Variants in COL4A5 observed in about 807,000 individuals in gnomAD.
The protein encoded by COL4A5 is collagen type IV alpha 5 chain.
COL4A5 carries 26 observed loss-of-function variants against 130.2 expected under a neutral mutation model. The ratio of observed to expected loss-of-function variants is 0.20; its 90% CI spans 0.15 to 0.28. The LOEUF (loss-of-function observed/expected upper bound fraction) is 0.28. COL4A5 is among the 10% of genes least tolerant of loss of function. The probability of loss-of-function intolerance (pLI) is 1.00; values close to 1 mark genes in which losing one functional copy is unlikely to be tolerated. For synonymous variants in COL4A5, 496 were observed against 439.6 expected (o/e 1.13, Z -1.60); for missense variants, 1,131 against 1,344.3 (o/e 0.84, Z 2.48).
chrX:108,697,297 A>G lies in COL4A5; in HGVS notation c.*919A>G, dbSNP rs1407391804. On this transcript the variant is annotated 3_prime_UTR_variant, in exon 53 of 53. Coordinates refer to ENST00000328300, the MANE Select transcript of COL4A5 (RefSeq NM_033380.3). ...CAAAAACACACACGCAGAATTAACA[A>G]TTCTTTTCCCTGTGCTTCTTATGTA... is the stretch of plus-strand genomic sequence containing the variant. The G allele has an allele frequency of 1.8e-5, 2 of 110,751 alleles. No homozygotes were observed. The highest frequency in any genetic ancestry group is 3.3e-5 in the African/African-American group (1 of 30,534). 9.1% of individuals were successfully genotyped at this position (110,751 alleles called of 1,213,427 possible). A position where few individuals can be genotyped will look rare whatever the true frequency, so the allele number is the denominator to read the frequency against.
Position 108,446,392 on chromosome X carries a change from G to T in COL4A5, c.81+6186G>T, listed in dbSNP as rs201884144. Among the ~76,000 whole-genome samples the T allele has an allele frequency of 2.2e-4, 25 of 112,126 alleles. 1 individual carries two copies. In the East Asian group the frequency reaches 6.7e-3, roughly 30 times the overall value. On this transcript the variant is annotated intron_variant, in intron 1 of 52. Transcript: ENST00000328300. ...TTTGTTAGCCATCGTAAGAAGTGCT[G>T]CCATGAACATTTCTTATTCCATATT...
At chrX:108,606,015 C>T (rs112079313) in intron 28 of COL4A5, among the ~76,000 whole-genome samples, 137 of 111,814 alleles carry the variant, frequency 1.2e-3, no homozygotes, top group African/African-American at 3.9e-3. Context: ...ATTATCGTGA[C>T]TATTTTTATA....
intron 1 of COL4A5, chrX:108,443,217 A>G (rs756486505): frequency 8.9e-6 from 1 of 112,043 alleles, no homozygotes; most frequent in South Asian, 3.7e-4. Flanking sequence ...TCAGAGTTTG[A>G]CCTCTGTATC....
At chrX:108,678,166 G>C (rs2068346483) in intron 44 of COL4A5, among the ~76,000 whole-genome samples, 2 of 111,649 alleles carry the variant, frequency 1.8e-5, no homozygotes, top group Non-Finnish European at 3.8e-5. Flanking sequence ...CCAGAGCAGA[G>C]AGTCACATTC....
intron 2 of COL4A5, among the ~76,000 whole-genome samples, chrX:108,552,825 T>C (rs2065772126): frequency 8.9e-6 from 1 of 111,943 alleles, no homozygotes; most frequent in Non-Finnish European, 1.9e-5. Context: ...ATACAGCTTT[T>C]ATAAAAAACA....
chrX:108,648,266 A>AT (rs1287275482), intron 36 of COL4A5, among the ~76,000 whole-genome samples: 2 of 111,092 alleles, frequency 1.8e-5, no homozygotes, highest in Non-Finnish European at 3.8e-5. Flanking sequence ...TAATTAAAAA[A>AT]TTACCAACAA....
intron 29 of COL4A5, among the ~76,000 whole-genome samples, chrX:108,610,858 G>T (rs5929137): frequency 0.023 from 2,522 of 111,459 alleles, 36 homozygotes; most frequent in Non-Finnish European, 0.037. Context: ...CATTTATTAT[G>T]TTCTATGCCA....
At chrX:108,614,848 G>T (rs2066897212) in intron 29 of COL4A5, 63 bp from the exon 30 acceptor site, 1 of 785,592 alleles carries the variant, frequency 1.3e-6, no homozygotes, top group South Asian at 2.1e-5. Context: ...ATATGATATG[G>T]TTCCCAAGGA....
rs759926013 is a variant in COL4A5 at position 108,624,360 on chromosome X, A to G, written c.3016+26A>G. ...GTAAGTGTGATAGGCCATTTGTAGCAATTGCTTAGCTGACACTGAATTCTG... is the reference window on the plus strand; with the variant it reads ...GTAAGTGTGATAGGCCATTTGTAGCGATTGCTTAGCTGACACTGAATTCTG... On this transcript the variant is annotated intron_variant, in intron 34 of 52. Transcript: ENST00000328300. 6.1e-5 allele frequency: 63 copies of G among 1,036,731 alleles called. No individual in the cohort carries two copies. In the South Asian group the frequency reaches 1.1e-3, roughly 18 times the overall value. 85.4% of individuals were successfully genotyped at this position (1,036,731 alleles called of 1,213,427 possible).
At chrX:108,452,776 G>A (rs890932024) in intron 1 of COL4A5, among the ~76,000 whole-genome samples, 2 of 111,777 alleles carry the variant, frequency 1.8e-5, no homozygotes, top group Non-Finnish European at 3.8e-5. Context: ...TGCAAACATG[G>A]ACAGTTTGAC....
intron 36 of COL4A5, among the ~76,000 whole-genome samples, chrX:108,646,698 G>T (rs964437887): frequency 9.0e-6 from 1 of 111,704 alleles, no homozygotes; most frequent in African/African-American, 3.3e-5. Context: ...TTCTTCTAGG[G>T]TTTTTATGGT....
chrX:108,641,246 G>C (rs988459519), intron 36 of COL4A5, among the ~76,000 whole-genome samples: 6 of 111,893 alleles, frequency 5.4e-5, no homozygotes, highest in African/African-American at 2.0e-4. Context: ...GAGAAATGAA[G>C]CTGTATTTCT....
At chrX:108,527,993 T>G (rs1476166149) in intron 1 of COL4A5, among the ~76,000 whole-genome samples, 1 of 111,903 alleles carries the variant, frequency 8.9e-6, no homozygotes, top group East Asian at 2.8e-4. Flanking sequence ...GCCCAGGGAC[T>G]GAAGAACCTG....
chrX:108,681,141 A>G (rs1270043454), intron 46 of COL4A5, among the ~76,000 whole-genome samples, 185 bp downstream of exon 46: 1 of 111,502 alleles, frequency 9.0e-6, no homozygotes, highest in African/African-American at 3.3e-5. Flanking sequence ...CATAATATTG[A>G]TAGCAGACCT....
At chrX:108,450,943 A>G (rs1375234830) in intron 1 of COL4A5, among the ~76,000 whole-genome samples, 1 of 109,064 alleles carries the variant, frequency 9.2e-6, no homozygotes, top group African/African-American at 3.4e-5. Context: ...TGCTGCACCC[A>G]TTAACTCATC....
intron 36 of COL4A5, among the ~76,000 whole-genome samples, chrX:108,646,777 C>T (rs2067599747): frequency 9.0e-6 from 1 of 111,593 alleles, no homozygotes; most frequent in Non-Finnish European, 1.9e-5. Flanking sequence ...AGGAAGGTAT[C>T]CAGTTTCAGC....
At chrX:108,543,416 G>A (rs2065583620) in intron 2 of COL4A5, among the ~76,000 whole-genome samples, 1 of 111,483 alleles carries the variant, frequency 9.0e-6, no homozygotes, top group Non-Finnish European at 1.9e-5. Flanking sequence ...TCAGAAAGTT[G>A]TAGATGTGTG....
chrX:108,690,140 T>C (rs2068621800), intron 49 of COL4A5: 2 of 387,945 alleles, frequency 5.2e-6, no homozygotes, highest in Non-Finnish European at 6.5e-6. Flanking sequence ...CAACTATGAT[T>C]AAGAAAAATG....
At chrX:108,616,288 C>G (rs2066925863) in intron 30 of COL4A5, among the ~76,000 whole-genome samples, 1 of 110,136 alleles carries the variant, frequency 9.1e-6, no homozygotes, top group Non-Finnish European at 1.9e-5. Flanking sequence ...GTTGCCCAGG[C>G]TGGAGTGCAA....
Sources: allele counts gnomAD v4.1 joint callset (sites outside exome capture counted in the v4.1 genomes callset), GRCh38; gene constraint gnomAD v4.1.1; transcripts MANE v1.5; gene names NCBI Gene and HGNC (gene_info 2026-07-23, HGNC 2026-07-21).